The following SDK1 variants were observed in gnomAD, a reference collection of about 807,000 sequenced individuals.
SDK1 encodes the protein protein sidekick-1.
SDK1 carries 157 observed loss-of-function variants against 245.5 expected under a neutral mutation model. The ratio of observed to expected loss-of-function variants is 0.64; its 90% confidence interval spans 0.56 to 0.73. The LOEUF (loss-of-function observed/expected upper bound fraction) is 0.73, where lower values mean the gene tolerates loss of function less well. Ranked by LOEUF, SDK1 falls within the 30% of genes least tolerant of loss-of-function variation. SDK1 has a pLI of 0.00. For missense variants in SDK1, 3,583 were observed against 3,002.3 expected, an observed-to-expected ratio of 1.19 and a Z score of -4.52; for synonymous variants, 1,647 against 1,278.5, an observed-to-expected ratio of 1.29 and a Z score of -6.15.
At chr7:3,529,516 A>G (rs1052565986) in intron 1 of SDK1, among the ~76,000 whole-genome samples, 1 of 152,184 alleles carries the variant, frequency 6.6e-6, no homozygotes, top group Non-Finnish European at 1.5e-5. Context: ...ATGGCGATGG[A>G]TATACATTAA....
Position 3,967,395 on chromosome 7 carries a change from G to C in SDK1, c.1507G>C (p.Val503Leu). 1 of 1,614,150 alleles carries C rather than the reference G, an allele frequency of 6.2e-7. No homozygotes were observed. Residue 503 changes from valine (V) to leucine (L), a missense_variant, in exon 10 of 45, where the codon GTG becomes CTG. Physicochemically the swap from Val to Leu is conservative, Grantham distance 32. Coordinates refer to ENST00000404826, the MANE Select transcript of SDK1 (RefSeq NM_152744.4). Reference sequence around the variant, plus strand: ...GATGACAGCCATTCTAAGGTGTGAGGTGTCCGGGGCTCCCAAACCCGCCAT... The same window carrying C: ...GATGACAGCCATTCTAAGGTGTGAGCTGTCCGGGGCTCCCAAACCCGCCAT... ...DGMTAILRCE[V>L]SGAPKPAITW...
intron 4 of SDK1, among the ~76,000 whole-genome samples, chr7:3,703,865 A>G (rs1023763014): frequency 6.6e-6 from 1 of 152,134 alleles, no homozygotes; most frequent in African/African-American, 2.4e-5. Flanking sequence ...GCATCAACCA[A>G]TATTTTCTTT....
At chr7:3,964,257 A>T (rs555967854) in intron 9 of SDK1, among the ~76,000 whole-genome samples, 1 of 152,068 alleles carries the variant, frequency 6.6e-6, no homozygotes, top group Non-Finnish European at 1.5e-5. Context: ...CTGTGGGGAA[A>T]CTGCTGAGGC....
chr7:3,851,644 A>T (rs1244059674), intron 5 of SDK1, among the ~76,000 whole-genome samples: 1 of 151,754 alleles, frequency 6.6e-6, no homozygotes, highest in Non-Finnish European at 1.5e-5. Flanking sequence ...AGTAAGATTC[A>T]CTGGCATTGG....
chr7:3,435,579 G>A (rs1779999365), intron 1 of SDK1, among the ~76,000 whole-genome samples: 1 of 151,766 alleles, frequency 6.6e-6, no homozygotes, highest in African/African-American at 2.4e-5. Flanking sequence ...TGTCCAGGCT[G>A]GTTTCGAACT....
At chr7:3,560,225 A>C (rs980911470) in intron 1 of SDK1, among the ~76,000 whole-genome samples, 13 of 152,232 alleles carry the variant, frequency 8.5e-5, no homozygotes, top group Admixed American at 7.9e-4. Context: ...TATCTTTAGA[A>C]GTACGTACTT....
chr7:3,970,993 G>T (rs1282461665), intron 11 of SDK1, among the ~76,000 whole-genome samples: 1 of 152,036 alleles, frequency 6.6e-6, no homozygotes, highest in South Asian at 2.1e-4. Context: ...ATCTCTGAGC[G>T]TCCATCTTCC....
chr7:3,666,427 A>T (rs775031199), intron 4 of SDK1, among the ~76,000 whole-genome samples: 2 of 152,144 alleles, frequency 1.3e-5, no homozygotes, highest in Non-Finnish European at 2.9e-5. Context: ...TTTATCTTAC[A>T]TTTCAGATCT....
intron 4 of SDK1, among the ~76,000 whole-genome samples, chr7:3,705,431 A>G (rs1470630895): frequency 2.9e-5 from 1 of 35,006 alleles, no homozygotes; most frequent in East Asian, 1.2e-3. Flanking sequence ...TAGTGATTTT[A>G]TTTTATTTTA....
At chr7:3,545,027 T>TGGAG (rs1554287136) in intron 1 of SDK1, among the ~76,000 whole-genome samples, 1 of 152,088 alleles carries the variant, frequency 6.6e-6, no homozygotes, top group Non-Finnish European at 1.5e-5. Context: ...CCATCACTGA[T>TGGAG]GGAGGGGGCA....
intron 1 of SDK1, among the ~76,000 whole-genome samples, chr7:3,464,715 TACAC>T (rs768563308): frequency 1.3e-5 from 2 of 150,668 alleles, no homozygotes; most frequent in African/African-American, 2.4e-5. Context: ...TATATATATA[TACAC>T]ACACACACAT....
chr7:3,810,368 A>G (rs1458521799), intron 4 of SDK1, among the ~76,000 whole-genome samples: 1 of 152,058 alleles, frequency 6.6e-6, no homozygotes, highest in African/African-American at 2.4e-5. Context: ...TTATTTTAGC[A>G]GAAAAAGTCT....
At chr7:4,084,270 G>T (rs1447126011) in intron 22 of SDK1, among the ~76,000 whole-genome samples, 1 of 152,176 alleles carries the variant, frequency 6.6e-6, no homozygotes. Flanking sequence ...TTCTTTTTCT[G>T]TCTTGTGATC....
chr7:3,909,008 G>T lies in SDK1; in HGVS notation c.848-41915G>T, dbSNP rs1779060248. Among the ~76,000 whole-genome samples, 2 of 152,188 alleles carry T rather than the reference G, an allele frequency of 1.3e-5. 1 individual carries two copies. Among genetic ancestry groups the T allele is most frequent in the South Asian group, 4.1e-4 (2 of 4,832 alleles). ...CCCCGGATGGCTGCCCCCTGCTCAA[G>T]TGAGCCAGGGTGGGAGGAGATGAGG... On this transcript the variant is annotated intron_variant, in intron 5 of 44. Transcript: ENST00000404826.
chr7:4,180,336 G>A (rs554457598), intron 35 of SDK1, among the ~76,000 whole-genome samples: 94 of 150,476 alleles, frequency 6.2e-4, no homozygotes, highest in Non-Finnish European at 1.3e-3. Context: ...CCCGGCTCCA[G>A]CTCTATGCCC....
intron 5 of SDK1, among the ~76,000 whole-genome samples, chr7:3,884,603 C>T (rs1214882318): frequency 1.3e-5 from 2 of 152,142 alleles, no homozygotes; most frequent in Non-Finnish European, 2.9e-5. Flanking sequence ...TCTTTGAGCA[C>T]ATATTGTGTG....
intron 32 of SDK1, among the ~76,000 whole-genome samples, chr7:4,163,491 A>G (rs940018985): frequency 5.9e-5 from 9 of 152,088 alleles, no homozygotes; most frequent in African/African-American, 2.2e-4. Flanking sequence ...GGGAAATGGA[A>G]GGGATGCTGG....
intron 5 of SDK1, among the ~76,000 whole-genome samples, chr7:3,937,377 A>T (rs1336383456): frequency 6.6e-6 from 1 of 152,222 alleles, no homozygotes; most frequent in Non-Finnish European, 1.5e-5. Context: ...GTCATTCTTC[A>T]GATGGAGCTG....
intron 1 of SDK1, among the ~76,000 whole-genome samples, chr7:3,609,350 G>T (rs1325553282): frequency 2.6e-5 from 4 of 152,144 alleles, no homozygotes; most frequent in Non-Finnish European, 5.9e-5. Context: ...TAGGGGTTAA[G>T]TAGATTGTCC....
Sources: gnomAD v4.1 joint callset for allele counts (sites outside exome capture counted in the v4.1 genomes callset) on GRCh38, gnomAD v4.1.1 for gene constraint, MANE v1.5 for transcripts, NCBI Gene and HGNC (gene_info 2026-07-23, HGNC 2026-07-21) for gene names.